The following TOR3A variants were observed in gnomAD, a reference collection of about 807,000 sequenced individuals.
TOR3A encodes torsin-3A.
A neutral mutation model predicts 42.1 loss-of-function variants in TOR3A; 44 were observed. The ratio of observed to expected loss-of-function variants is 1.04; its 90% confidence interval spans 0.82 to 1.34. The LOEUF (loss-of-function observed/expected upper bound fraction) is 1.34. Among genes scored for constraint, TOR3A ranks in the 40% most tolerant of loss-of-function variants. The probability of loss-of-function intolerance (pLI) is 0.00; values close to 1 mark genes in which losing one functional copy is unlikely to be tolerated. For synonymous variants in TOR3A, 227 were observed against 213.2 expected, an observed-to-expected ratio of 1.06 and a Z score of -0.57; for missense variants, 521 against 507.6, an observed-to-expected ratio of 1.03 and a Z score of -0.25.
rs1652726552 is a variant in TOR3A, at chr1:179,095,818, G to A, written c.*600G>A. 1.0e-6 allele frequency: 1 copy of A among 986,774 alleles called. No homozygotes were observed. Among genetic ancestry groups the A allele is most frequent in the Admixed American group, 6.1e-5 (1 of 16,514 alleles). The allele number at this position is 986,774 out of a possible 1,614,324, so 61.1% of individuals were successfully genotyped here. On this transcript the variant is annotated 3_prime_UTR_variant, in exon 6 of 6. Transcript: ENST00000367627. Reference sequence around the variant, plus strand: ...TTGTGAGCGAATCAGCCAAGAGCCTGAGGCTGAAGGGAAAAGTACACAGAG... The same window carrying A: ...TTGTGAGCGAATCAGCCAAGAGCCTAAGGCTGAAGGGAAAAGTACACAGAG...
intron 4 of TOR3A, among the ~76,000 whole-genome samples, chr1:179,093,312 TCA>T: frequency 6.6e-6 from 1 of 152,262 alleles, no homozygotes; most frequent in East Asian, 1.9e-4. Flanking sequence ...CCCAGTGATA[TCA>T]CAACCTGAGA....
At chr1:179,090,316 G>A (rs1423430189) in intron 4 of TOR3A, among the ~76,000 whole-genome samples, 1 of 152,260 alleles carries the variant, frequency 6.6e-6, no homozygotes, top group Non-Finnish European at 1.5e-5. Context: ...GGCTGACATA[G>A]TCTGTGCCCA....
At chr1:179,094,886 C>T (rs916025634) in intron 5 of TOR3A, 82 bp from the exon 6 acceptor site, 3 of 1,413,206 alleles carry the variant, frequency 2.1e-6, no homozygotes, top group South Asian at 2.4e-5. Flanking sequence ...TCAAAGAAAC[C>T]AACAGCAACC....
chr1:179,082,498 C>A, intron 1 of TOR3A, 111 bp downstream of exon 1: 1 of 1,419,384 alleles, frequency 7.0e-7, no homozygotes, highest in Non-Finnish European at 9.4e-7. Context: ...CGCAGTCCTG[C>A]TCTGCTCAGC....
At position 179,085,854 on chromosome 1, in the gene TOR3A, G is replaced by A. The variant is rs756907840; in HGVS notation, c.600G>A (p.Thr200=). ...MSDCVRMFIA[T]FHFPHPKYVD... is the part of the protein sequence containing the mutation. ...ACTGTGTCAGGATGTTCATCGCCACGTTCCACTTTCCTCACCCCAAATATG... is the reference window on the plus strand; with the variant it reads ...ACTGTGTCAGGATGTTCATCGCCACATTCCACTTTCCTCACCCCAAATATG... Residue 200 remains threonine, a synonymous_variant, in exon 3 of 6, where the codon ACG becomes ACA. Transcript: ENST00000367627. 5.6e-6 allele frequency: 9 copies of A among 1,614,032 alleles called. No individual in the cohort carries two copies. The highest frequency in any genetic ancestry group is 2.2e-5 in the South Asian group (2 of 91,090).
At chr1:179,082,469 C>G in intron 1 of TOR3A, 82 bp downstream of exon 1, 1 of 1,484,468 alleles carries the variant, frequency 6.7e-7, no homozygotes, top group Non-Finnish European at 8.9e-7. Context: ...TCGCTCCTGT[C>G]CGGGGCGACA....
In TOR3A at chr1:179,095,330, C is replaced by G; in HGVS notation, c.*112C>G. ...GTGTTTGAGGGTGTGGACTGGCATC[C>G]AGCAGCCACTAACAAACACACAACT... is the stretch of plus-strand genomic sequence containing the variant. On this transcript the variant is annotated 3_prime_UTR_variant, in exon 6 of 6. Coordinates refer to ENST00000367627, the MANE Select transcript of TOR3A (RefSeq NM_022371.4). 1 of 1,534,412 alleles carries G rather than the reference C, an allele frequency of 6.5e-7. No individual in the cohort carries two copies. The highest frequency in any genetic ancestry group is 8.7e-7 in the Non-Finnish European group (1 of 1,147,290).
chr1:179,090,901 T>C (rs1327052675), intron 4 of TOR3A, among the ~76,000 whole-genome samples: 1 of 152,150 alleles, frequency 6.6e-6, no homozygotes, highest in Non-Finnish European at 1.5e-5. Context: ...AGGAAAAGGA[T>C]AGAAAGGACT....
In TOR3A at chr1:179,082,281, GC is replaced by G; in HGVS notation, c.154del (p.Leu52SerfsTer50). 6.3e-7 allele frequency: 1 copy of G among 1,577,566 alleles called. No homozygotes were observed. The highest frequency in any genetic ancestry group is 8.6e-7 in the Non-Finnish European group (1 of 1,167,468). On this transcript the variant is annotated frameshift_variant, in exon 1 of 6. Transcript: ENST00000367627. LOFTEE classifies it high-confidence loss of function. Reference protein sequence around the residue: ...WPGFQRLQEQLRAAGALSKRY... With the variant: ...WPGFQRLQEQXRAAGALSKRY... ...CGGGCTTCCAGCGCCTGCAGGAGCAGCTCAGGGCGGCGGGTGCCCTCTCCAA... is the reference window on the plus strand; with the variant it reads ...CGGGCTTCCAGCGCCTGCAGGAGCAGTCAGGGCGGCGGGTGCCCTCTCCAA...
At chr1:179,090,872 T>G (rs1322935169) in intron 4 of TOR3A, among the ~76,000 whole-genome samples, 1 of 152,252 alleles carries the variant, frequency 6.6e-6, no homozygotes, top group Non-Finnish European at 1.5e-5. Context: ...TTAAAGCCTG[T>G]TTCCTTTGTG....
chr1:179,082,294 G>T lies in TOR3A; in HGVS notation c.166G>T (p.Gly56Cys). 6.3e-7 allele frequency: 1 copy of T among 1,586,028 alleles called. No homozygotes were observed. Among genetic ancestry groups the T allele is most frequent in the Non-Finnish European group, 8.5e-7 (1 of 1,170,782 alleles). ...QRLQEQLRAAGALSKRYWTLF... is the reference protein window; with the variant it reads ...QRLQEQLRAACALSKRYWTLF... ...CCTGCAGGAGCAGCTCAGGGCGGCG[G>T]GTGCCCTCTCCAAGCGGTACTGGAC... Residue 56 changes from glycine (G) to cysteine (C), a missense_variant, in exon 1 of 6, where the codon GGT (glycine) becomes TGT (cysteine). By Grantham distance (159) the Gly-to-Cys change is radical. Coordinates refer to ENST00000367627, the MANE Select transcript of TOR3A (RefSeq NM_022371.4).
intron 3 of TOR3A, among the ~76,000 whole-genome samples, chr1:179,086,538 C>T (rs1215559423): frequency 1.3e-5 from 2 of 152,038 alleles, no homozygotes; most frequent in East Asian, 3.9e-4. Context: ...TGGTGGCGGG[C>T]ACCTGTAGTC....
At chr1:179,085,556 T>A in intron 2 of TOR3A, 72 bp from the exon 3 acceptor site, 1 of 1,570,626 alleles carries the variant, frequency 6.4e-7, no homozygotes, top group Non-Finnish European at 8.7e-7. Context: ...GCTTGGTTTC[T>A]TGGCTGTTGG....
At chr1:179,087,807 C>A in intron 3 of TOR3A, 104 bp from the exon 4 acceptor site, 1 of 1,163,338 alleles carries the variant, frequency 8.6e-7, no homozygotes, top group Non-Finnish European at 1.2e-6. Flanking sequence ...GTGGGGAACC[C>A]AGCCCCAGGG....
Position 179,082,324 on chromosome 1 carries a change from T to C in TOR3A, c.196T>C (p.Phe66Leu). The C allele has an allele frequency of 6.2e-7, 1 of 1,604,542 alleles. No individual in the cohort carries two copies. Among genetic ancestry groups the C allele is most frequent in the Non-Finnish European group, 8.5e-7 (1 of 1,177,256 alleles). The change falls in exon 1 of 6, where the codon TTC becomes CTC. Residue 66 changes from phenylalanine to leucine, a missense_variant. Transcript: ENST00000367627. ...GALSKRYWTL[F>L]SCQVWPDDCD... The stretch of plus-strand genomic sequence containing the variant: ...CCTCTCCAAGCGGTACTGGACGCTC[T>C]TCAGCTGCCAGGTGTGGCCCGACGA...
intron 2 of TOR3A, 33 bp downstream of exon 2, chr1:179,083,086 A>C: frequency 7.4e-7 from 1 of 1,347,984 alleles, no homozygotes; most frequent in African/African-American, 1.5e-5. Context: ...GGGGCTAGGG[A>C]TCTGTGGGGA....
chr1:179,090,390 A>ATATTG (rs1652548615), intron 4 of TOR3A, among the ~76,000 whole-genome samples: 1 of 152,196 alleles, frequency 6.6e-6, no homozygotes, highest in Admixed American at 6.5e-5. Context: ...GGCTGGGAGG[A>ATATTG]GACACACTGT....
rs544109112 is a variant in TOR3A, at chr1:179,087,782, G to A, written c.640-129G>A. The A allele has an allele frequency of 3.7e-4, 287 of 783,524 alleles. 2 individuals are homozygous for A. The Middle Eastern group carries it at 3.9e-3, about 11-fold the overall frequency. 48.5% of individuals were successfully genotyped at this position (783,524 alleles called of 1,614,324 possible). ...CAAGAGCTTGGATTTGATAGGTTCTGGCGGGGGGCGGGGGGTGGGGAACCC... is the reference window on the plus strand; with the variant it reads ...CAAGAGCTTGGATTTGATAGGTTCTAGCGGGGGGCGGGGGGTGGGGAACCC... On this transcript the variant is annotated intron_variant, in intron 3 of 5. Transcript: ENST00000367627.
chr1:179,089,958 G>A (rs1194655855), intron 4 of TOR3A, among the ~76,000 whole-genome samples: 1 of 152,146 alleles, frequency 6.6e-6, no homozygotes. Flanking sequence ...ATTGCCTAAC[G>A]TGACCCGGTG....
Sources: gnomAD v4.1 joint callset for allele counts (sites outside exome capture counted in the v4.1 genomes callset) on GRCh38, gnomAD v4.1.1 for gene constraint, MANE v1.5 for transcripts, NCBI Gene and HGNC (gene_info 2026-07-23, HGNC 2026-07-21) for gene names.